The following SCMH1 variants were observed in gnomAD, a reference collection of about 807,000 sequenced individuals.
The protein encoded by SCMH1 is polycomb protein SCMH1.
SCMH1 carries 37 observed loss-of-function variants against 70.8 expected under a neutral mutation model. The observed-to-expected ratio is 0.52, with a 90% CI of 0.40 to 0.69. The LOEUF (loss-of-function observed/expected upper bound fraction) is 0.69. SCMH1 is among the 30% of genes least tolerant of loss of function. The probability of loss-of-function intolerance (pLI) is 0.00; values close to 1 mark genes in which losing one functional copy is unlikely to be tolerated. For missense variants in SCMH1, 607 were observed against 827.3 expected (o/e 0.73, Z 3.27); for synonymous variants, 292 against 307.4 (o/e 0.95, Z 0.52).
chr1:41,028,994 T>A (rs932987422), intron 13 of SCMH1, among the ~76,000 whole-genome samples: 1 of 152,058 alleles, frequency 6.6e-6, no homozygotes, highest in Non-Finnish European at 1.5e-5. Flanking sequence ...CCTGAGACAG[T>A]GGTACCAACA....
chr1:41,195,277 A>G (rs1424947427), intron 1 of SCMH1, among the ~76,000 whole-genome samples: 2 of 152,116 alleles, frequency 1.3e-5, no homozygotes, highest in Admixed American at 6.6e-5. Context: ...GTTCCAATAA[A>G]ACTTTAATTT....
intron 1 of SCMH1, among the ~76,000 whole-genome samples, chr1:41,229,126 G>T (rs1218128037): frequency 2.0e-5 from 3 of 152,040 alleles, no homozygotes; most frequent in African/African-American, 7.2e-5. Flanking sequence ...AACCCAGGGG[G>T]TGGAGGTTGC....
rs531450356 is a variant in SCMH1, at chr1:41,045,290, T to C, written c.1498+1117A>G. On this transcript the variant is annotated intron_variant, in intron 12 of 14. Transcript: ENST00000337495. ...CCATAGAAAAGGATCAGCCAGGGGATCATAGAAATGGCTGCAGGGATCAGA... is the reference window on the plus strand; with the variant it reads ...CCATAGAAAAGGATCAGCCAGGGGACCATAGAAATGGCTGCAGGGATCAGA... 3.0e-4 allele frequency among the ~76,000 whole-genome samples: 46 copies of C among 152,272 alleles called. No homozygotes were observed. In the Middle Eastern group the frequency reaches 0.01, roughly 34 times the overall value.
At chr1:41,080,624 T>C (rs1659712472) in intron 8 of SCMH1, among the ~76,000 whole-genome samples, 1 of 151,932 alleles carries the variant, frequency 6.6e-6, no homozygotes, top group Non-Finnish European at 1.5e-5. Flanking sequence ...CAATGGAAAA[T>C]ACAATCCGCT....
chr1:41,086,030 A>G (rs1189277049), intron 8 of SCMH1, among the ~76,000 whole-genome samples: 2 of 151,964 alleles, frequency 1.3e-5, no homozygotes, highest in Non-Finnish European at 2.9e-5. Flanking sequence ...TAGTAGAGAT[A>G]GGGTTTCACC....
chr1:41,225,614 A>T (rs914080739), intron 1 of SCMH1, among the ~76,000 whole-genome samples: 3 of 152,334 alleles, frequency 2.0e-5, no homozygotes, highest in African/African-American at 7.2e-5. Flanking sequence ...GGCTTCACAT[A>T]GGAGGTGACT....
At chr1:41,215,434 T>G (rs1657881029) in intron 1 of SCMH1, among the ~76,000 whole-genome samples, 1 of 152,204 alleles carries the variant, frequency 6.6e-6, no homozygotes, top group South Asian at 2.1e-4. Context: ...CCCCTTATTA[T>G]GTCTCCATCC....
intron 10 of SCMH1, among the ~76,000 whole-genome samples, chr1:41,062,254 A>G (rs1652930819): frequency 6.6e-6 from 1 of 152,202 alleles, no homozygotes; most frequent in African/African-American, 2.4e-5. Context: ...AGATTCAACA[A>G]TGCACTTCTA....
chr1:41,235,345 G>A (rs1335515213), intron 1 of SCMH1, among the ~76,000 whole-genome samples: 1 of 151,696 alleles, frequency 6.6e-6, no homozygotes, highest in Non-Finnish European at 1.5e-5. Flanking sequence ...GGGAGGCCGA[G>A]GCAGATCACA....
intron 8 of SCMH1, among the ~76,000 whole-genome samples, chr1:41,096,795 C>T (rs1558836667): frequency 1.3e-5 from 2 of 152,018 alleles, no homozygotes; most frequent in African/African-American, 4.8e-5. Context: ...CTTTCCCTAC[C>T]TTTTTTCTCA....
intron 1 of SCMH1, among the ~76,000 whole-genome samples, chr1:41,222,509 G>T (rs1420178090): frequency 6.6e-6 from 1 of 151,982 alleles, no homozygotes; most frequent in African/African-American, 2.4e-5. Flanking sequence ...TTTATAACAT[G>T]AGGCTTCCTA....
intron 3 of SCMH1, 91 bp from the exon 4 acceptor site, chr1:41,160,989 G>A (rs908374698): frequency 7.1e-6 from 9 of 1,266,956 alleles, no homozygotes; most frequent in Non-Finnish European, 1.0e-5. Flanking sequence ...ATAGGAAATC[G>A]AGTATTTGTC....
chr1:41,058,678 C>A (rs2148788419), intron 10 of SCMH1, among the ~76,000 whole-genome samples: 1 of 152,108 alleles, frequency 6.6e-6, no homozygotes, highest in Admixed American at 6.5e-5. Flanking sequence ...CCATGCTCGG[C>A]CTTATTTATA....
At chr1:41,040,907 C>CA (rs1049139535) in intron 12 of SCMH1, among the ~76,000 whole-genome samples, 1 of 146,168 alleles carries the variant, frequency 6.8e-6, no homozygotes, top group African/African-American at 2.4e-5. Context: ...AAAACAACAA[C>CA]AAAAAAAGGA....
At chr1:41,130,661 T>C (rs1674449570) in intron 6 of SCMH1, among the ~76,000 whole-genome samples, 1 of 152,196 alleles carries the variant, frequency 6.6e-6, no homozygotes. Flanking sequence ...AAATTTACTC[T>C]TTTAAGTATA....
At chr1:41,063,260 G>A (rs1404098302) in intron 10 of SCMH1, among the ~76,000 whole-genome samples, 2 of 151,962 alleles carry the variant, frequency 1.3e-5, no homozygotes, top group African/African-American at 2.4e-5. Context: ...GATCATGAGG[G>A]CAGGAGGTCG....
chr1:41,241,977 G>C (rs1445269250), intron 1 of SCMH1, 82 bp downstream of exon 1: 2 of 152,220 alleles, frequency 1.3e-5, no homozygotes, highest in Non-Finnish European at 2.9e-5. Context: ...GGCTGCGCAG[G>C]TCCCGCCACC....
intron 1 of SCMH1, among the ~76,000 whole-genome samples, chr1:41,195,651 G>T (rs375789876): frequency 1.3e-5 from 2 of 152,090 alleles, no homozygotes; most frequent in Admixed American, 1.3e-4. Flanking sequence ...CTAAGATTAG[G>T]AATAGGACAA....
At chr1:41,154,107 A>C (rs1383746696) in intron 4 of SCMH1, among the ~76,000 whole-genome samples, 1 of 152,196 alleles carries the variant, frequency 6.6e-6, no homozygotes, top group Non-Finnish European at 1.5e-5. Flanking sequence ...AGAGGGCTGG[A>C]TTTGACCTCC....
Sources: allele counts gnomAD v4.1 joint callset (sites outside exome capture counted in the v4.1 genomes callset), GRCh38; gene constraint gnomAD v4.1.1; transcripts MANE v1.5; gene names NCBI Gene and HGNC (gene_info 2026-07-23, HGNC 2026-07-21).